The following SLC13A1 variants were observed in gnomAD, a reference collection of about 807,000 sequenced individuals.
The protein encoded by SLC13A1 is Na(+)/sulfate cotransporter.
Under a neutral mutation model 70.0 loss-of-function variants are expected in SLC13A1, and 65 were observed. The observed-to-expected ratio is 0.93, with a 90% CI of 0.76 to 1.14. SLC13A1 has a LOEUF of 1.14. Ranked by LOEUF, SLC13A1 falls within the 50% of genes most tolerant of loss-of-function variation. The pLI, the probability that SLC13A1 is intolerant of heterozygous loss-of-function variation, is 0.00. For synonymous variants in SLC13A1, 275 were observed against 250.5 expected, an observed-to-expected ratio of 1.10 and a Z score of -0.92; for missense variants, 726 against 717.8, an observed-to-expected ratio of 1.01 and a Z score of -0.13.
chr7:123,145,654 G>A (rs1794326084), intron 7 of SLC13A1, among the ~76,000 whole-genome samples: 1 of 152,088 alleles, frequency 6.6e-6, no homozygotes, highest in Admixed American at 6.6e-5. Context: ...AGTTTCAGAA[G>A]CCTCTCATTT....
At chr7:123,178,584 G>C (rs1013311378) in intron 2 of SLC13A1, among the ~76,000 whole-genome samples, 1 of 152,104 alleles carries the variant, frequency 6.6e-6, no homozygotes. Context: ...TAAAGGACAT[G>C]ATCATAATCA....
chr7:123,160,049 C>T (rs1023743798), intron 6 of SLC13A1, among the ~76,000 whole-genome samples: 5 of 151,644 alleles, frequency 3.3e-5, no homozygotes, highest in East Asian at 1.9e-4. Flanking sequence ...TTTGGGAGGC[C>T]GAGGTGGGCG....
chr7:123,197,282 T>C (rs1796217506), intron 1 of SLC13A1, among the ~76,000 whole-genome samples: 1 of 152,158 alleles, frequency 6.6e-6, no homozygotes. Context: ...CTCTACATCC[T>C]GTAGATTATA....
At chr7:123,135,230 TTC>T (rs1044613123) in intron 7 of SLC13A1, among the ~76,000 whole-genome samples, 1 of 152,176 alleles carries the variant, frequency 6.6e-6, no homozygotes, top group African/African-American at 2.4e-5. Context: ...CCTACTTATT[TTC>T]AACTTTTAAA....
intron 7 of SLC13A1, among the ~76,000 whole-genome samples, chr7:123,142,366 C>T (rs1794184680): frequency 6.6e-6 from 1 of 152,164 alleles, no homozygotes; most frequent in African/African-American, 2.4e-5. Flanking sequence ...CAGGACAGGT[C>T]CATAAATGCC....
intron 7 of SLC13A1, among the ~76,000 whole-genome samples, chr7:123,146,063 C>T (rs1794337889): frequency 6.6e-6 from 1 of 152,128 alleles, no homozygotes; most frequent in Non-Finnish European, 1.5e-5. Context: ...TCTGAGTGCA[C>T]ATATGACACC....
chr7:123,116,127 C>G (rs73217754), intron 14 of SLC13A1, among the ~76,000 whole-genome samples: 1 of 152,174 alleles, frequency 6.6e-6, no homozygotes, highest in Non-Finnish European at 1.5e-5. Flanking sequence ...TTTATATTCA[C>G]TCAACGTAAT....
chr7:123,173,896 C>A (rs60990739), intron 2 of SLC13A1, among the ~76,000 whole-genome samples: 7,625 of 151,954 alleles, frequency 0.05, 608 homozygotes, highest in African/African-American at 0.17. Flanking sequence ...TAGTCTCCCA[C>A]CTCTTTCAAC....
chr7:123,150,737 C>A (rs1351850775), intron 6 of SLC13A1, among the ~76,000 whole-genome samples: 1 of 152,020 alleles, frequency 6.6e-6, no homozygotes, highest in African/African-American at 2.4e-5. Context: ...GAGTTTATCT[C>A]TTCTTTTTAC....
At chr7:123,157,270 G>A (rs1442069465) in intron 6 of SLC13A1, among the ~76,000 whole-genome samples, 1 of 152,030 alleles carries the variant, frequency 6.6e-6, no homozygotes, top group Non-Finnish European at 1.5e-5. Flanking sequence ...AGAGGAGTTG[G>A]TAGTAAAATT....
chr7:123,193,359 A>G (rs1164634255), intron 1 of SLC13A1, among the ~76,000 whole-genome samples: 1 of 152,116 alleles, frequency 6.6e-6, no homozygotes, highest in Non-Finnish European at 1.5e-5. Flanking sequence ...CACTTGGGGA[A>G]TGTTTCAGAA....
intron 6 of SLC13A1, among the ~76,000 whole-genome samples, chr7:123,163,898 G>A (rs2116512955): frequency 6.6e-6 from 1 of 151,952 alleles, no homozygotes; most frequent in Admixed American, 6.6e-5. Context: ...AAATATTACT[G>A]AATTTATTTA....
At chr7:123,167,036 A>C (rs1421058147) in intron 6 of SLC13A1, among the ~76,000 whole-genome samples, 1 of 152,180 alleles carries the variant, frequency 6.6e-6, no homozygotes, top group African/African-American at 2.4e-5. Context: ...TTAAAAAGTC[A>C]GGAAACAACA....
chr7:123,198,764 G>A (rs1019201222), intron 1 of SLC13A1, among the ~76,000 whole-genome samples: 5 of 151,986 alleles, frequency 3.3e-5, no homozygotes, highest in Non-Finnish European at 7.4e-5. Flanking sequence ...GTGTAACCTC[G>A]ATTAGTACTT....
At chr7:123,138,561 C>T (rs573897123) in intron 7 of SLC13A1, among the ~76,000 whole-genome samples, 47 of 152,272 alleles carry the variant, frequency 3.1e-4, no homozygotes, top group Middle Eastern at 3.4e-3. Flanking sequence ...TTCCTTTTCT[C>T]TACATCCCTG....
intron 1 of SLC13A1, among the ~76,000 whole-genome samples, chr7:123,188,679 A>G (rs1585405077): frequency 6.6e-6 from 1 of 152,226 alleles, no homozygotes; most frequent in East Asian, 1.9e-4. Flanking sequence ...TCTATAAACT[A>G]TGTATTTGTA....
Position 123,125,510 on chromosome 7 carries a change from G to A in SLC13A1, c.1240+59C>T, listed in dbSNP as rs28364213. The A allele has an allele frequency of 1.6e-4, 199 of 1,268,984 alleles. 2 individuals are homozygous for A. The African/African-American group carries it at 2.5e-3, about 16-fold the overall frequency. The allele number at this position is 1,268,984 out of a possible 1,614,324, so 78.6% of individuals were successfully genotyped here. On this transcript the variant is annotated intron_variant, in intron 11 of 14. Transcript: ENST00000194130. Reference sequence around the variant, plus strand: ...CTCTAGGTGCCAAGCGAAACCAATGGAATTTTGTAATTTTTGCTCTTCTGT... The same window carrying A: ...CTCTAGGTGCCAAGCGAAACCAATGAAATTTTGTAATTTTTGCTCTTCTGT...
chr7:123,119,731 C>G (rs1793309613), intron 12 of SLC13A1, among the ~76,000 whole-genome samples: 1 of 151,870 alleles, frequency 6.6e-6, no homozygotes, highest in South Asian at 2.1e-4. Flanking sequence ...ACATTATTTA[C>G]TGACTTTCTA....
chr7:123,176,494 A>T (rs1275795734), intron 2 of SLC13A1, among the ~76,000 whole-genome samples: 1 of 152,222 alleles, frequency 6.6e-6, no homozygotes, highest in East Asian at 1.9e-4. Context: ...GGCTTTTGCA[A>T]TCAGAGCACC....
Sources: allele counts gnomAD v4.1 joint callset (sites outside exome capture counted in the v4.1 genomes callset), GRCh38; gene constraint gnomAD v4.1.1; transcripts MANE v1.5; gene names NCBI Gene and HGNC (gene_info 2026-07-23, HGNC 2026-07-21).